AP3B1: variants seen among roughly 807,000 people sequenced by gnomAD.
The protein encoded by AP3B1 is AP-3 complex subunit beta-1.
Under a neutral mutation model 132.5 loss-of-function variants are expected in AP3B1, and 61 were observed. The observed-to-expected ratio is 0.46, with a 90% CI of 0.37 to 0.57. AP3B1 has a LOEUF of 0.57. AP3B1 is among the 20% of genes least tolerant of loss of function. The pLI, the probability that AP3B1 is intolerant of heterozygous loss-of-function variation, is 0.00. For missense variants in AP3B1, 1,120 were observed against 1,289.4 expected (o/e 0.87, Z 2.01); for synonymous variants, 388 against 438.3 (o/e 0.89, Z 1.43).
intron 22 of AP3B1, among the ~76,000 whole-genome samples, chr5:78,052,466 T>G (rs1465490657): frequency 2.0e-5 from 3 of 152,172 alleles, no homozygotes; most frequent in Non-Finnish European, 2.9e-5. Flanking sequence ...AGTAATATGA[T>G]TGTAACATTA....
chr5:78,075,372 G>A (rs1331918049), intron 22 of AP3B1, among the ~76,000 whole-genome samples: 1 of 152,042 alleles, frequency 6.6e-6, no homozygotes, highest in East Asian at 1.9e-4. Context: ...ATTATGGTTT[G>A]TTTTTTTCTT....
At chr5:78,214,579 C>T (rs1580496567) in intron 7 of AP3B1, among the ~76,000 whole-genome samples, 1 of 151,918 alleles carries the variant, frequency 6.6e-6, no homozygotes, top group African/African-American at 2.4e-5. Flanking sequence ...TTAGCTAAGG[C>T]AAAATTGCCT....
chr5:78,044,210 G>A, intron 22 of AP3B1: 1 of 189,998 alleles, frequency 5.3e-6, no homozygotes. Flanking sequence ...TGGCACCAAG[G>A]CTGTACTGGG....
chr5:78,037,928 C>G (rs1326573285), intron 23 of AP3B1, among the ~76,000 whole-genome samples: 1 of 152,154 alleles, frequency 6.6e-6, no homozygotes, highest in South Asian at 2.1e-4. Flanking sequence ...TACACTATTT[C>G]AAATTTCAAA....
intron 11 of AP3B1, among the ~76,000 whole-genome samples, chr5:78,168,023 A>AAAAAACAAAAAAAAT (rs1743726741): frequency 6.6e-6 from 1 of 150,456 alleles, no homozygotes; most frequent in East Asian, 1.9e-4. Context: ...GAAAAAAAAA[A>AAAAAACAAAAAAAAT]AAAAACAAAA....
chr5:78,010,980 A>T (rs931719194), intron 26 of AP3B1, among the ~76,000 whole-genome samples: 4 of 151,306 alleles, frequency 2.6e-5, no homozygotes, highest in African/African-American at 9.7e-5. Flanking sequence ...ACTCCTTATC[A>T]TGCGTTAACT....
chr5:78,045,380 CAAAAAAAAA>C (rs71608139), intron 22 of AP3B1, among the ~76,000 whole-genome samples: 4 of 63,918 alleles, frequency 6.3e-5, no homozygotes, highest in African/African-American at 2.2e-4. Context: ...GGCTCTGTCT[CAAAAAAAAA>C]AAAAAAAAAA....
chr5:78,039,871 T>G lies in AP3B1; in HGVS notation c.2578-597A>C, dbSNP rs182385607. Among the ~76,000 whole-genome samples the G allele has an allele frequency of 1.9e-3, 295 of 151,836 alleles. 1 individual carries two copies. Among genetic ancestry groups the G allele is most frequent in the African/African-American group, 6.9e-3 (287 of 41,526 alleles). ...ATATTACAAACATACTCATTTTTTTTTTTTTTGCTGGGGGGCAGGGATTTA... is the reference window on the plus strand; with the variant it reads ...ATATTACAAACATACTCATTTTTTTGTTTTTTGCTGGGGGGCAGGGATTTA... On this transcript the variant is annotated intron_variant, in intron 22 of 26. Coordinates refer to ENST00000255194, the MANE Select transcript of AP3B1 (RefSeq NM_003664.5).
At chr5:78,124,427 A>AAG (rs1319061647) in intron 17 of AP3B1, among the ~76,000 whole-genome samples, 1 of 152,116 alleles carries the variant, frequency 6.6e-6, no homozygotes, top group Non-Finnish European at 1.5e-5. Context: ...CCACTAGTCT[A>AAG]AGGCTGGGTG....
chr5:78,074,883 A>C (rs951204377), intron 22 of AP3B1, among the ~76,000 whole-genome samples: 2 of 152,172 alleles, frequency 1.3e-5, no homozygotes, highest in African/African-American at 4.8e-5. Flanking sequence ...CGGTGAGCTG[A>C]GATTGCGCCA....
At chr5:78,132,053 G>T (rs1448337888) in intron 15 of AP3B1, among the ~76,000 whole-genome samples, 4 of 152,120 alleles carry the variant, frequency 2.6e-5, no homozygotes, top group Non-Finnish European at 2.9e-5. Context: ...AAGACAGTGT[G>T]TACTGTTATG....
At chr5:78,029,679 T>C (rs1580257958) in intron 24 of AP3B1, among the ~76,000 whole-genome samples, 1 of 152,294 alleles carries the variant, frequency 6.6e-6, no homozygotes, top group South Asian at 2.1e-4. Context: ...TATTATTTTT[T>C]TGAATAGAGA....
At chr5:78,028,587 C>T (rs1344649391) in intron 24 of AP3B1, among the ~76,000 whole-genome samples, 1 of 152,004 alleles carries the variant, frequency 6.6e-6, no homozygotes, top group African/African-American at 2.4e-5. Context: ...CCTTGTTTTG[C>T]TTTTCTGACT....
intron 24 of AP3B1, among the ~76,000 whole-genome samples, chr5:78,027,029 C>T (rs1406785226): frequency 6.6e-6 from 1 of 152,104 alleles, no homozygotes; most frequent in East Asian, 1.9e-4. Flanking sequence ...GCCAAATAAG[C>T]TGCACTGCTT....
At chr5:78,142,827 A>G (rs1753211344) in intron 14 of AP3B1, among the ~76,000 whole-genome samples, 2 of 152,184 alleles carry the variant, frequency 1.3e-5, no homozygotes, top group Admixed American at 6.6e-5. Flanking sequence ...TTAAAAATCT[A>G]TTCATGCAGT....
intron 11 of AP3B1, among the ~76,000 whole-genome samples, chr5:78,167,500 A>G (rs1743685604): frequency 6.6e-6 from 1 of 152,212 alleles, no homozygotes; most frequent in South Asian, 2.1e-4. Context: ...ATCTACCCAG[A>G]GGAAAAGAAG....
chr5:78,128,096 C>G lies in AP3B1; in HGVS notation c.1902G>C (p.Leu634=). 6.2e-7 allele frequency: 1 copy of G among 1,613,206 alleles called. No individual in the cohort carries two copies. ...HTLNIKATGY[L]ELSNWPEVAP... ...CCACCTCTGGCCAATTAGATAATTC[C>G]AGGTACCCAGTAGCTTTAATGTTGA... The change falls in exon 17 of 27, where the codon CTG becomes CTC. Residue 634 remains leucine, a synonymous_variant. Coordinates refer to ENST00000255194, the MANE Select transcript of AP3B1 (RefSeq NM_003664.5).
At chr5:78,065,027 G>A (rs1372549916) in intron 22 of AP3B1, among the ~76,000 whole-genome samples, 2 of 152,146 alleles carry the variant, frequency 1.3e-5, no homozygotes, top group Non-Finnish European at 2.9e-5. Context: ...CTGACTAGGT[G>A]GTTGGCACGA....
intron 25 of AP3B1, among the ~76,000 whole-genome samples, chr5:78,017,388 A>G (rs374772578): frequency 1.4e-4 from 22 of 152,178 alleles, no homozygotes; most frequent in South Asian, 6.2e-4. Flanking sequence ...CTGAATCAAG[A>G]TTAATTTACA....
Sources: allele counts gnomAD v4.1 joint callset (sites outside exome capture counted in the v4.1 genomes callset), GRCh38; gene constraint gnomAD v4.1.1; transcripts MANE v1.5; gene names NCBI Gene and HGNC (gene_info 2026-07-23, HGNC 2026-07-21).